The following SF3B3 variants were observed in gnomAD, a reference collection of about 807,000 sequenced individuals.
The protein encoded by SF3B3 is SAP 130.
SF3B3 carries 33 observed loss-of-function variants against 139.2 expected under a neutral mutation model. The ratio of observed to expected loss-of-function variants is 0.24; its 90% CI spans 0.18 to 0.32. SF3B3 has a LOEUF of 0.32. Ranked by LOEUF, SF3B3 falls within the 10% of genes least tolerant of loss-of-function variation. The pLI is 1.00. For missense variants in SF3B3, 818 were observed against 1,509.4 expected (o/e 0.54, Z 7.59); for synonymous variants, 596 against 563.6 (o/e 1.06, Z -0.81).
chr16:70,550,703 A>G (rs549342775), intron 11 of SF3B3: 615 of 982,474 alleles, frequency 6.3e-4, no homozygotes, highest in Non-Finnish European at 6.6e-4. Flanking sequence ...GCTAGGGTCG[A>G]TGTGGGGTCT....
chr16:70,560,572 G>T lies in SF3B3; in HGVS notation c.2114G>T (p.Arg705Leu). ...CGTCCTGTGAAGCTCTTCCGAGTCC[G>T]AATGCAAGGCCAGGAGGCAGTAAGT... Reference protein sequence around the residue: ...GSRPVKLFRVRMQGQEAVLAM... With the variant: ...GSRPVKLFRVLMQGQEAVLAM... Residue 705 changes from arginine to leucine, a missense_variant, in exon 16 of 26, where the codon CGA becomes CTA. This residue lies in a region of SF3B3 where 170 missense variants were observed against 353.0 expected (regional missense o/e 0.48). Transcript: ENST00000302516. The T allele has an allele frequency of 1.2e-6, 2 of 1,613,578 alleles. No individual in the cohort carries two copies. The highest frequency in any genetic ancestry group is 2.2e-5 in the South Asian group (2 of 91,042).
At chr16:70,535,167 A>G in intron 5 of SF3B3, 141 bp from the exon 6 acceptor site, 1 of 539,056 alleles carries the variant, frequency 1.9e-6, no homozygotes, top group Non-Finnish European at 3.4e-6. Flanking sequence ...CATGAACATA[A>G]GGGAGGAGAA....
intron 13 of SF3B3, among the ~76,000 whole-genome samples, chr16:70,555,850 C>G (rs2050375488): frequency 6.6e-6 from 1 of 152,176 alleles, no homozygotes; most frequent in Non-Finnish European, 1.5e-5. Flanking sequence ...CCAGAATATT[C>G]TTGTAAAACA....
intron 11 of SF3B3, among the ~76,000 whole-genome samples, chr16:70,550,893 CA>C (rs1237421393): frequency 2.0e-5 from 3 of 152,178 alleles, no homozygotes; most frequent in African/African-American, 7.2e-5. Flanking sequence ...CAGAATTTGT[CA>C]TATATGGTTA....
At chr16:70,534,807 T>A (rs1209269145) in intron 5 of SF3B3, among the ~76,000 whole-genome samples, 1 of 152,146 alleles carries the variant, frequency 6.6e-6, no homozygotes, top group Admixed American at 6.5e-5. Context: ...TAGCTGGGAT[T>A]ACAGGCGCCC....
At chr16:70,556,081 C>A in intron 13 of SF3B3, 98 bp from the exon 14 acceptor site, 2 of 1,201,416 alleles carry the variant, frequency 1.7e-6, no homozygotes, top group Non-Finnish European at 1.2e-6. Context: ...AATACAACAG[C>A]CCTCCTTCAT....
intron 23 of SF3B3, 117 bp from the exon 24 acceptor site, chr16:70,569,889 A>G (rs1597725511): frequency 8.5e-7 from 1 of 1,180,128 alleles, no homozygotes; most frequent in East Asian, 2.5e-5. Flanking sequence ...GGCCTCTATA[A>G]TAATTTTTGG....
intron 8 of SF3B3, among the ~76,000 whole-genome samples, chr16:70,541,317 T>TC (rs1567413983): frequency 6.6e-6 from 1 of 152,242 alleles, no homozygotes; most frequent in Non-Finnish European, 1.5e-5. Context: ...CTCTATGTGT[T>TC]CTGGGTACTA....
At chr16:70,564,535 C>T (rs1039361511) in intron 18 of SF3B3, among the ~76,000 whole-genome samples, 1 of 152,156 alleles carries the variant, frequency 6.6e-6, no homozygotes, top group African/African-American at 2.4e-5. Context: ...ATTAAGTTCC[C>T]TCTCTGAAAC....
At chr16:70,541,970 A>C in intron 9 of SF3B3, 136 bp downstream of exon 9, 1 of 738,288 alleles carries the variant, frequency 1.4e-6, no homozygotes, top group Non-Finnish European at 2.1e-6. Context: ...TGAGCACAAA[A>C]AACCATTAAT....
chr16:70,548,341 G>C, intron 10 of SF3B3, 29 bp from the exon 11 acceptor site: 1 of 1,599,268 alleles, frequency 6.3e-7, no homozygotes, highest in Non-Finnish European at 8.6e-7. Context: ...ATGCTCACTG[G>C]ATCTGTGGCT....
chr16:70,548,294 A>T, intron 10 of SF3B3, 76 bp from the exon 11 acceptor site: 1 of 1,220,972 alleles, frequency 8.2e-7, no homozygotes. Context: ...TTGAGACCTT[A>T]TTTTTTGATG....
intron 15 of SF3B3, among the ~76,000 whole-genome samples, chr16:70,559,418 G>C (rs1395426597): frequency 5.9e-5 from 9 of 152,118 alleles, no homozygotes; most frequent in African/African-American, 1.7e-4. Context: ...CAGGTGCTGT[G>C]GCTCACACCT....
At chr16:70,555,315 T>A in intron 13 of SF3B3, 109 bp downstream of exon 13, 3 of 1,071,184 alleles carry the variant, frequency 2.8e-6, no homozygotes, top group African/African-American at 1.6e-5. Flanking sequence ...CTGTCTCTAC[T>A]AAAAATACAA....
At chr16:70,553,133 G>C (rs1280592681) in intron 11 of SF3B3, among the ~76,000 whole-genome samples, 1 of 152,122 alleles carries the variant, frequency 6.6e-6, no homozygotes, top group Admixed American at 6.5e-5. Context: ...TGTTGGTCAG[G>C]CTGGTTTCTA....
intron 6 of SF3B3, among the ~76,000 whole-genome samples, chr16:70,536,807 C>CTTTTT (rs34747226): frequency 1.2e-4 from 15 of 122,618 alleles, no homozygotes; most frequent in East Asian, 4.9e-4. Context: ...AATTTTCTTT[C>CTTTTT]TTTTTTTTTT....
At chr16:70,524,136 A>G (rs2288491) in intron 1 of SF3B3, 143,794 of 348,054 alleles carry the variant, frequency 0.41, 30,888 homozygotes, top group South Asian at 0.65. Context: ...AACATATTCT[A>G]TCTCAAAATA....
intron 15 of SF3B3, among the ~76,000 whole-genome samples, chr16:70,559,064 G>GT (rs2050404392): frequency 6.6e-6 from 1 of 152,134 alleles, no homozygotes; most frequent in Non-Finnish European, 1.5e-5. Context: ...GGAGTGTAGT[G>GT]TCTGGTTGTC....
chr16:70,568,259 C>T, intron 21 of SF3B3, 24 bp from the exon 22 acceptor site: 1 of 1,555,164 alleles, frequency 6.4e-7, no homozygotes, highest in South Asian at 1.1e-5. Context: ...CACCCACCAT[C>T]ACTATTGTCT....
Sources: allele counts gnomAD v4.1 joint callset (sites outside exome capture counted in the v4.1 genomes callset), GRCh38; gene constraint gnomAD v4.1.1; regional missense constraint gnomAD v4.1.1; transcripts MANE v1.5; gene names NCBI Gene and HGNC (gene_info 2026-07-23, HGNC 2026-07-21).